WWP2: variants seen among roughly 807,000 people sequenced by gnomAD.
WWP2 encodes WW domain containing E3 ubiquitin protein ligase 2, also known as NEDD4-like E3 ubiquitin-protein ligase WWP2.
In WWP2, 57 loss-of-function variants were observed where a neutral mutation model predicts 121.0. The observed-to-expected ratio is 0.47, with a 90% CI of 0.38 to 0.59. WWP2 has a LOEUF of 0.59. Ranked by LOEUF, WWP2 falls within the 20% of genes least tolerant of loss-of-function variation. The probability of loss-of-function intolerance (pLI) is 0.00; values close to 1 mark genes in which losing one functional copy is unlikely to be tolerated. For missense variants in WWP2, 962 were observed against 1,158.9 expected (o/e 0.83, Z 2.47); for synonymous variants, 449 against 441.3 (o/e 1.02, Z -0.22).
At chr16:69,851,261 A>G (rs4985375) in intron 6 of WWP2, among the ~76,000 whole-genome samples, 151,721 of 151,734 alleles carry the variant, frequency 1, 75,854 homozygotes, top group Middle Eastern at 1. Flanking sequence ...CAAGTGATCC[A>G]CGTGCCTTGG....
At chr16:69,884,119 A>G (rs1464149426) in intron 7 of WWP2, among the ~76,000 whole-genome samples, 1 of 152,244 alleles carries the variant, frequency 6.6e-6, no homozygotes, top group African/African-American at 2.4e-5. Context: ...TGGAATATAC[A>G]AGCGTATGTA....
chr16:69,922,958 C>T (rs976266202), intron 10 of WWP2, among the ~76,000 whole-genome samples: 1 of 151,866 alleles, frequency 6.6e-6, no homozygotes, highest in Non-Finnish European at 1.5e-5. Context: ...GGCGCAATCT[C>T]GGCTCACTGC....
intron 6 of WWP2, among the ~76,000 whole-genome samples, chr16:69,859,636 C>G (rs937041568): frequency 6.6e-6 from 1 of 152,094 alleles, no homozygotes; most frequent in Non-Finnish European, 1.5e-5. Context: ...CTGAGGTGCC[C>G]ATTCCTTGCT....
chr16:69,809,721 T>G (rs1427024683), intron 4 of WWP2, among the ~76,000 whole-genome samples: 1 of 151,474 alleles, frequency 6.6e-6, no homozygotes, highest in African/African-American at 2.4e-5. Context: ...TGAGCCGAGA[T>G]TGCGCCATTG....
Position 69,880,981 on chromosome 16 carries a change from AT to A in WWP2, c.704-7057del, listed in dbSNP as rs2057817788. 3.3e-5 allele frequency among the ~76,000 whole-genome samples: 5 copies of A among 152,252 alleles called. No individual in the cohort carries two copies. In the South Asian group the frequency reaches 1.0e-3, roughly 32 times the overall value. ...TAAGCAAAAGAATTTCCAATTCCTGATCTTTTTTTTGGCTAACTGTGACTAG... is the reference window on the plus strand; with the variant it reads ...TAAGCAAAAGAATTTCCAATTCCTGACTTTTTTTTGGCTAACTGTGACTAG... On this transcript the variant is annotated intron_variant, in intron 7 of 23. Coordinates refer to ENST00000359154, the MANE Select transcript of WWP2 (RefSeq NM_001270454.2).
At chr16:69,854,129 A>G (rs1035692419) in intron 6 of WWP2, among the ~76,000 whole-genome samples, 1 of 152,254 alleles carries the variant, frequency 6.6e-6, no homozygotes. Context: ...TCTGGATTCT[A>G]CTACTTCTTG....
At chr16:69,913,496 TG>T (rs1304794829) in intron 9 of WWP2, among the ~76,000 whole-genome samples, 1 of 151,786 alleles carries the variant, frequency 6.6e-6, no homozygotes, top group Non-Finnish European at 1.5e-5. Context: ...AGCAAGACCC[TG>T]TCTCAAAAAA....
rs2056493200 is a variant in WWP2 at position 69,816,482 on chromosome 16, TA to T, written c.340+17188del. 3.4e-5 allele frequency among the ~76,000 whole-genome samples: 5 copies of T among 148,314 alleles called. No homozygotes were observed. In the South Asian group the frequency reaches 8.3e-4, roughly 25 times the overall value. ...TATATATAAATATATATACTTTATA[TA>T]TGTAATATATAAACATATATACACT... On this transcript the variant is annotated intron_variant, in intron 4 of 23. Coordinates refer to ENST00000359154, the MANE Select transcript of WWP2 (RefSeq NM_001270454.2).
chr16:69,849,488 T>G (rs1370406874), intron 6 of WWP2, among the ~76,000 whole-genome samples: 1 of 151,954 alleles, frequency 6.6e-6, no homozygotes, highest in Non-Finnish European at 1.5e-5. Flanking sequence ...TATTTATTCA[T>G]TCATTCATTC....
At chr16:69,870,160 A>G (rs1274300272) in intron 6 of WWP2, among the ~76,000 whole-genome samples, 3 of 152,194 alleles carry the variant, frequency 2.0e-5, no homozygotes, top group African/African-American at 7.2e-5. Flanking sequence ...AATAATATTA[A>G]TCTACCTTTA....
intron 6 of WWP2, among the ~76,000 whole-genome samples, chr16:69,871,160 C>G (rs1461490043): frequency 6.6e-6 from 1 of 152,000 alleles, no homozygotes; most frequent in East Asian, 1.9e-4. Flanking sequence ...TGCTGTGTGC[C>G]TATAGTCCAG....
At chr16:69,865,896 G>C (rs772108211) in intron 6 of WWP2, among the ~76,000 whole-genome samples, 5 of 152,226 alleles carry the variant, frequency 3.3e-5, no homozygotes, top group African/African-American at 7.2e-5. Flanking sequence ...GTCAGTTGCT[G>C]TGTGGAAACC....
intron 4 of WWP2, among the ~76,000 whole-genome samples, chr16:69,830,129 A>C (rs1219829608): frequency 6.6e-6 from 1 of 151,956 alleles, no homozygotes; most frequent in Non-Finnish European, 1.5e-5. Context: ...TAGTTTTTGT[A>C]TTTTTAGTAG....
intron 4 of WWP2, among the ~76,000 whole-genome samples, chr16:69,836,419 A>G (rs939301320): frequency 3.5e-4 from 53 of 151,826 alleles, no homozygotes; most frequent in Admixed American, 3.0e-3. Context: ...ATGTTTCTCT[A>G]TCCCCCTCTT....
chr16:69,872,163 C>G (rs1212930781), intron 7 of WWP2, among the ~76,000 whole-genome samples: 1 of 152,168 alleles, frequency 6.6e-6, no homozygotes, highest in Non-Finnish European at 1.5e-5. Context: ...TTCTAAAATA[C>G]TCATTTGCAC....
intron 1 of WWP2, among the ~76,000 whole-genome samples, chr16:69,785,787 C>A (rs568732607): frequency 4.6e-5 from 7 of 151,568 alleles, no homozygotes; most frequent in African/African-American, 1.7e-4. Flanking sequence ...CTACCACGCC[C>A]GACAAATTTG....
Position 69,925,494 on chromosome 16 carries a change from G to A in WWP2, c.1234+10G>A. The A allele has an allele frequency of 6.2e-7, 1 of 1,613,876 alleles. No homozygotes were observed. On this transcript the variant is annotated intron_variant, in intron 11 of 23. Coordinates refer to ENST00000359154, the MANE Select transcript of WWP2 (RefSeq NM_001270454.2). This position sits in a 1 kb window ranked among gnomAD's most constrained non-coding sequence, Gnocchi z 4.0. ...CTCCCTCCTGGCTGGGGTAAGTACT[G>A]AGTTCTCTTCCTGGCCCTTGGCCTT... is the stretch of plus-strand genomic sequence containing the variant.
At chr16:69,864,565 TG>T in intron 6 of WWP2, among the ~76,000 whole-genome samples, 1 of 152,070 alleles carries the variant, frequency 6.6e-6, no homozygotes, top group East Asian at 1.9e-4. Context: ...CTTTTTGTTG[TG>T]GGAGACAGAG....
At chr16:69,926,025 G>C (rs1309695978) in intron 11 of WWP2, 2 of 152,356 alleles carry the variant, frequency 1.3e-5, no homozygotes, top group African/African-American at 2.4e-5. Context: ...TTGAATGCCA[G>C]GTGGTGACTC....
Sources: gnomAD v4.1 joint callset for allele counts (sites outside exome capture counted in the v4.1 genomes callset) on GRCh38, gnomAD v4.1.1 for gene constraint, Gnocchi (gnomAD v3.1) non-coding constraint, MANE v1.5 for transcripts, NCBI Gene and HGNC (gene_info 2026-07-23, HGNC 2026-07-21) for gene names.